The following ZNF18 variants were observed in gnomAD, a reference collection of about 807,000 sequenced individuals.
ZNF18 encodes zinc finger protein 18, also known as heart development-specific gene 1 protein.
A neutral mutation model predicts 58.1 loss-of-function variants in ZNF18; 42 were observed. The observed-to-expected ratio is 0.72, with a 90% CI of 0.56 to 0.93. The LOEUF is 0.93. Among genes scored for constraint, ZNF18 ranks in the 40% least tolerant of loss-of-function variants. ZNF18 has a pLI of 0.00. For missense variants in ZNF18, 540 were observed against 644.2 expected, an observed-to-expected ratio of 0.84 and a Z score of 1.75; for synonymous variants, 231 against 239.8, an observed-to-expected ratio of 0.96 and a Z score of 0.34.
chr17:11,984,076 T>G, intron 5 of ZNF18, 37 bp downstream of exon 5: 1 of 1,576,572 alleles, frequency 6.3e-7, no homozygotes, highest in Non-Finnish European at 8.6e-7. Context: ...TTTCCAGTCC[T>G]TCTACCTCCT....
At chr17:12,009,599 C>T in the ZNF18 span, among the ~76,000 whole-genome samples, 3 of 151,886 alleles carry the variant, frequency 2.0e-5, no homozygotes, top group African/African-American at 4.8e-5. Flanking sequence ...ATTACAGGCG[C>T]CCGTCACCAT....
chr17:11,999,654 C>G (rs184898745), upstream of ZNF18, among the ~76,000 whole-genome samples: 45 of 152,288 alleles, frequency 3.0e-4, no homozygotes, highest in African/African-American at 1.0e-3. Context: ...CAAGAATGAA[C>G]TAAACACACA....
At chr17:12,001,855 T>TAAA (rs1968663733), upstream of ZNF18, among the ~76,000 whole-genome samples, 2 of 151,914 alleles carry the variant, frequency 1.3e-5, no homozygotes, top group Admixed American at 1.3e-4. Context: ...AAAAATCTAT[T>TAAA]ATAAATGAAA....
At chr17:12,006,566 T>C in the ZNF18 span, among the ~76,000 whole-genome samples, 1 of 152,128 alleles carries the variant, frequency 6.6e-6, no homozygotes, top group Non-Finnish European at 1.5e-5. Flanking sequence ...CTAGAAAGAA[T>C]AGTAATAAAA....
chr17:11,999,958 T>G (rs534264884), upstream of ZNF18, among the ~76,000 whole-genome samples: 1 of 152,192 alleles, frequency 6.6e-6, no homozygotes, highest in Non-Finnish European at 1.5e-5. Context: ...AGACAGAATC[T>G]TGCTCTGTTG....
At chr17:12,010,860 T>C in the ZNF18 span, 3 of 489,080 alleles carry the variant, frequency 6.1e-6, no homozygotes, top group Non-Finnish European at 1.1e-5. Context: ...CAGGTACTTT[T>C]CTCTTTGTCT....
intron 4 of ZNF18, among the ~76,000 whole-genome samples, chr17:11,989,172 A>AC (rs1396338805): frequency 8.6e-5 from 13 of 152,026 alleles, no homozygotes; most frequent in African/African-American, 2.9e-4. Flanking sequence ...AAAAAAAAAA[A>AC]AAATTAGCCA....
chr17:11,992,934 T>C, intron 1 of ZNF18, 23 bp from the exon 2 acceptor site: 1 of 1,304,904 alleles, frequency 7.7e-7, no homozygotes, highest in African/African-American at 1.5e-5. Context: ...TGAGATTGAG[T>C]GCTACACAGA....
chr17:11,998,579 A>C (rs1449367703), upstream of ZNF18, among the ~76,000 whole-genome samples: 2 of 150,120 alleles, frequency 1.3e-5, no homozygotes, highest in Admixed American at 6.6e-5. Context: ...ACCTGTCATT[A>C]TCATAACATG....
At chr17:12,012,697 G>T in the ZNF18 span, among the ~76,000 whole-genome samples, 1 of 151,532 alleles carries the variant, frequency 6.6e-6, no homozygotes, top group African/African-American at 2.4e-5. Context: ...TTTTTTTTTA[G>T]ACAAATCTTC....
At position 11,983,342 on chromosome 17, in the gene ZNF18, T is replaced by C. The variant is rs77956991; in HGVS notation, c.817A>G (p.Ile273Val). 2 of 1,613,974 alleles carry C rather than the reference T, an allele frequency of 1.2e-6. No individual in the cohort carries two copies. Among genetic ancestry groups the C allele is most frequent in the African/African-American group, 1.3e-5 (1 of 74,920 alleles). Residue 273 changes from isoleucine (I) to valine (V), a missense_variant, in exon 6 of 7, where the codon ATA becomes GTA. Transcript: ENST00000580306. ...SIEFGEELAGIYLHVNEKIPR... is the reference protein window; with the variant it reads ...SIEFGEELAGVYLHVNEKIPR... ...ATCTTCTCATTGACATGAAGGTATA[T>C]TCCTGCCAGCTCTTCCCCAAATTCT...
chr17:11,999,292 C>T (rs1968617609), upstream of ZNF18, among the ~76,000 whole-genome samples: 1 of 152,180 alleles, frequency 6.6e-6, no homozygotes, highest in Non-Finnish European at 1.5e-5. Context: ...AATGCACATA[C>T]ACATCTACAT....
At chr17:11,990,904 A>G in intron 3 of ZNF18, 70 bp downstream of exon 3, 1 of 1,503,872 alleles carries the variant, frequency 6.6e-7, no homozygotes, top group Non-Finnish European at 9.1e-7. Context: ...ATACCATTTC[A>G]ACTCACTTAG....
At chr17:11,998,846 T>TTG (rs1555537902), upstream of ZNF18, among the ~76,000 whole-genome samples, 19 of 116,572 alleles carry the variant, frequency 1.6e-4, no homozygotes, top group African/African-American at 5.4e-4. Context: ...TTTTTTTTTT[T>TTG]TGTATTTTTG....
chr17:11,992,771 T>C lies in ZNF18; in HGVS notation c.59A>G (p.Asp20Gly). The C allele has an allele frequency of 6.2e-7, 1 of 1,614,130 alleles. No individual in the cohort carries two copies. Among genetic ancestry groups the C allele is most frequent in the Non-Finnish European group, 8.5e-7 (1 of 1,180,040 alleles). Residue 20 changes from aspartate to glycine, a missense_variant, in exon 2 of 7, where the codon GAC (aspartate) becomes GGC (glycine). Asp to Gly is a moderately conservative substitution (Grantham distance 94, BLOSUM62 -1). Transcript: ENST00000580306. The part of the protein sequence containing the change: ...GLLPSLAKAE[D>G]SQFSESDAAL... The stretch of plus-strand genomic sequence containing the variant: ...AGCATCTGATTCTGAGAACTGGGAG[T>C]CCTCGGCCTTCGCCAGCGATGGCAG...
At chr17:11,979,547 G>C (rs1035598080) in intron 6 of ZNF18, among the ~76,000 whole-genome samples, 2 of 152,100 alleles carry the variant, frequency 1.3e-5, no homozygotes, top group Non-Finnish European at 2.9e-5. Flanking sequence ...TTTTCTCATC[G>C]TAACTTGGGT....
the ZNF18 span, among the ~76,000 whole-genome samples, chr17:12,015,534 G>GT: frequency 6.6e-6 from 1 of 152,090 alleles, no homozygotes; most frequent in Non-Finnish European, 1.5e-5. Flanking sequence ...GTTTTGTTAT[G>GT]TTTTTTATAT....
At chr17:12,001,132 G>GCCA (rs1968648656), upstream of ZNF18, among the ~76,000 whole-genome samples, 1 of 152,060 alleles carries the variant, frequency 6.6e-6, no homozygotes, top group African/African-American at 2.4e-5. Flanking sequence ...CATAATCTAG[G>GCCA]CCACATGGAA....
intron 1 of ZNF18, among the ~76,000 whole-genome samples, chr17:11,994,624 A>C (rs1191690725): frequency 2.0e-5 from 3 of 151,836 alleles, no homozygotes; most frequent in Non-Finnish European, 4.4e-5. Flanking sequence ...GCTGGATCAC[A>C]AGGTCAGGAG....
Sources: gnomAD v4.1 joint callset for allele counts (sites outside exome capture counted in the v4.1 genomes callset) on GRCh38, gnomAD v4.1.1 for gene constraint, MANE v1.5 for transcripts, NCBI Gene and HGNC (gene_info 2026-07-23, HGNC 2026-07-21) for gene names.